Variants in ANKRD30B observed in about 807,000 individuals in gnomAD.
The protein encoded by ANKRD30B is ankyrin repeat domain 30B, also known as ankyrin repeat domain-containing protein 30B.
ANKRD30B carries 144 observed loss-of-function variants against 202.2 expected under a neutral mutation model. The ratio of observed to expected loss-of-function variants is 0.71; its 90% CI spans 0.62 to 0.82. ANKRD30B has a LOEUF of 0.82. ANKRD30B is among the 40% of genes least tolerant of loss of function. The pLI, the probability that ANKRD30B is intolerant of heterozygous loss-of-function variation, is 0.00. For synonymous variants in ANKRD30B, 508 were observed against 561.3 expected, an observed-to-expected ratio of 0.91 and a Z score of 1.34; for missense variants, 1,487 against 1,669.1, an observed-to-expected ratio of 0.89 and a Z score of 1.90.
intron 34 of ANKRD30B, among the ~76,000 whole-genome samples, chr18:14,833,383 G>A (rs1205475155): frequency 6.6e-6 from 1 of 152,084 alleles, no homozygotes; most frequent in Non-Finnish European, 1.5e-5. Context: ...AGAGCAACTG[G>A]AACTACAGGC....
At chr18:14,809,006 G>C (rs1342888827) in intron 26 of ANKRD30B, among the ~76,000 whole-genome samples, 1 of 150,792 alleles carries the variant, frequency 6.6e-6, no homozygotes, top group Non-Finnish European at 1.5e-5. Flanking sequence ...TTTGTTCCCA[G>C]GTGGATCGGC....
chr18:14,761,736 G>T (rs1341645632), intron 6 of ANKRD30B, among the ~76,000 whole-genome samples: 4 of 151,718 alleles, frequency 2.6e-5, no homozygotes, highest in Non-Finnish European at 5.9e-5. Flanking sequence ...ATTTATTGTA[G>T]AGACAGGGTC....
rs552370156 is a variant in ANKRD30B at position 14,853,927 on chromosome 18, T to C, written c.*17T>C. Among the ~76,000 whole-genome samples, 3 of 152,274 alleles carry C rather than the reference T, an allele frequency of 2.0e-5. No homozygotes were observed. The highest frequency in any genetic ancestry group is 2.9e-5 in the Non-Finnish European group (2 of 68,014). On this transcript the variant is annotated 3_prime_UTR_variant, in exon 43 of 44. Coordinates refer to ENST00000690538, the MANE Select transcript of ANKRD30B (RefSeq NM_001367607.2). ...CATCAATAGAGGCTACATCACATTA[T>C]CACATTAATCTCAAAGGTGAGATAC...
rs1236541306 is a variant in ANKRD30B, at chr18:14,848,940, C to G, written c.3395+11C>G. 5 of 1,490,456 alleles carry G rather than the reference C, an allele frequency of 3.4e-6. No individual in the cohort carries two copies. Among genetic ancestry groups the G allele is most frequent in the Non-Finnish European group, 3.6e-6 (4 of 1,123,692 alleles). 92.3% of individuals were successfully genotyped at this position (1,490,456 alleles called of 1,614,324 possible). ...GCTCTGCAGTGTGAGGTATGACATC[C>G]TAGTTTTAAATAAATATTTCAACTA... On this transcript the variant is annotated intron_variant, in intron 40 of 43. Coordinates refer to ENST00000690538, the MANE Select transcript of ANKRD30B (RefSeq NM_001367607.2).
intron 34 of ANKRD30B, among the ~76,000 whole-genome samples, chr18:14,831,813 A>T (rs1228381074): frequency 6.6e-6 from 1 of 152,196 alleles, no homozygotes; most frequent in Non-Finnish European, 1.5e-5. Context: ...TTGCATAAGT[A>T]AACTTACTGT....
chr18:14,756,423 T>C (rs1914376781), intron 4 of ANKRD30B, among the ~76,000 whole-genome samples: 1 of 152,226 alleles, frequency 6.6e-6, no homozygotes, highest in Admixed American at 6.5e-5. Flanking sequence ...ATCCCATTTG[T>C]CAATTTTGGC....
chr18:14,919,316 G>A, the ANKRD30B span, among the ~76,000 whole-genome samples: 29 of 152,226 alleles, frequency 1.9e-4, no homozygotes, highest in Non-Finnish European at 3.8e-4. Context: ...ACAGGACTCA[G>A]AAGCCAGCAG....
chr18:14,791,601 C>A, intron 16 of ANKRD30B, 110 bp downstream of exon 16: 1 of 815,906 alleles, frequency 1.2e-6, no homozygotes, highest in Admixed American at 3.0e-5. Context: ...ATGCAAAGCA[C>A]AGAAAAAAGA....
At chr18:14,748,914 C>T (rs1912948585) in intron 1 of ANKRD30B, among the ~76,000 whole-genome samples, 1 of 152,238 alleles carries the variant, frequency 6.6e-6, no homozygotes, top group Admixed American at 6.5e-5. Flanking sequence ...CCCACTTCCC[C>T]TCACAAAGCA....
intron 16 of ANKRD30B, among the ~76,000 whole-genome samples, chr18:14,795,599 C>T (rs551044290): frequency 6.6e-6 from 1 of 152,118 alleles, no homozygotes; most frequent in Non-Finnish European, 1.5e-5. Context: ...AAAAATACTC[C>T]TATTTCACAG....
In ANKRD30B at chr18:14,748,494, C is replaced by G. The variant is rs1432759352; in HGVS notation, c.75C>G (p.Val25=). 1 of 1,551,328 alleles carries G rather than the reference C, an allele frequency of 6.4e-7. No individual in the cohort carries two copies. The highest frequency in any genetic ancestry group is 8.7e-7 in the Non-Finnish European group (1 of 1,146,868). ...PEPPNPFSER[V]YTEKDYGTIY... is the part of the protein sequence containing the mutation. ...CCCCGAACCCCTTCAGCGAACGGGT[C>G]TACACTGAGAAGGACTACGGGACCA... is the stretch of plus-strand genomic sequence containing the variant. The change falls in exon 1 of 44, where the codon GTC becomes GTG. Residue 25 remains valine (V), a synonymous_variant. Coordinates refer to ENST00000690538, the MANE Select transcript of ANKRD30B (RefSeq NM_001367607.2).
rs1363187158 is a variant in ANKRD30B, at chr18:14,852,156, A to C, written c.4212A>C (p.Glu1404Asp). 1.3e-6 allele frequency: 2 copies of C among 1,593,620 alleles called. No individual in the cohort carries two copies. The highest frequency in any genetic ancestry group is 1.7e-6 in the Non-Finnish European group (2 of 1,169,998). The part of the protein sequence containing the change: ...MKKAEHMYQN[E>D]QDNVDKHTEQ... Reference sequence around the variant, plus strand: ...AAGCTGAACACATGTATCAAAATGAACAAGATAATGTGGACAAACACACTG... The same window carrying C: ...AAGCTGAACACATGTATCAAAATGACCAAGATAATGTGGACAAACACACTG... Residue 1404 changes from glutamate to aspartate, a missense_variant, in exon 42 of 44, where the codon GAA (glutamate) becomes GAC (aspartate). This residue lies in a region of ANKRD30B where 182 missense variants were observed against 216.0 expected (regional missense o/e 0.84). Coordinates refer to ENST00000690538, the MANE Select transcript of ANKRD30B (RefSeq NM_001367607.2).
At chr18:14,880,780 CTT>C in the ANKRD30B span, among the ~76,000 whole-genome samples, 1 of 151,918 alleles carries the variant, frequency 6.6e-6, no homozygotes, top group Non-Finnish European at 1.5e-5. Flanking sequence ...CTGTAGAGGT[CTT>C]TTGATTCCTT....
rs376517799 is a variant in ANKRD30B at position 14,774,379 on chromosome 18, T to A, written c.1329+2151T>A. On this transcript the variant is annotated intron_variant, in intron 9 of 43. Coordinates refer to ENST00000690538, the MANE Select transcript of ANKRD30B (RefSeq NM_001367607.2). ...TCCTCTTTCACCTTTTTAAAAATGA[T>A]TTGCCCCAGACTTTTTTTCTCACAG... Among the ~76,000 whole-genome samples, 230 of 152,292 alleles carry A rather than the reference T, an allele frequency of 1.5e-3. 6 individuals carry two copies. In the South Asian group the frequency reaches 0.035, roughly 23 times the overall value.
intron 24 of ANKRD30B, among the ~76,000 whole-genome samples, chr18:14,806,086 G>A (rs1240155743): frequency 7.3e-5 from 11 of 149,790 alleles, no homozygotes; most frequent in South Asian, 2.1e-4. Context: ...CGGGCGTGGC[G>A]GTGGGTGCCT....
chr18:14,934,217 A>G, the ANKRD30B span, among the ~76,000 whole-genome samples: 1 of 152,238 alleles, frequency 6.6e-6, no homozygotes, highest in Admixed American at 6.5e-5. Flanking sequence ...CTGGCCTGGA[A>G]GGCAGGCAAT....
In ANKRD30B at chr18:14,808,559, G is replaced by T. The variant is rs566667663; in HGVS notation, c.2293G>T (p.Asp765Tyr). 1.3e-6 allele frequency: 2 copies of T among 1,523,606 alleles called. No individual in the cohort carries two copies. Among genetic ancestry groups the T allele is most frequent in the African/African-American group, 2.8e-5 (2 of 71,614 alleles). The allele number at this position is 1,523,606 out of a possible 1,614,324, so 94.4% of individuals were successfully genotyped here. A position where few individuals can be genotyped will look rare whatever the true frequency, so the allele number is the denominator to read the frequency against. Residue 765 changes from aspartate (D) to tyrosine (Y), a missense_variant, in exon 25 of 44, where the codon GAT (aspartate) becomes TAT (tyrosine). This residue lies in a region of ANKRD30B where 218 missense variants were observed against 320.1 expected (regional missense o/e 0.68). Transcript: ENST00000690538. Reference sequence around the variant, plus strand: ...TGTCCCTTTTCTTTTAGAGTCTCCTGATAAAGATGGTCTTCTGAAGGTAAT... The same window carrying T: ...TGTCCCTTTTCTTTTAGAGTCTCCTTATAAAGATGGTCTTCTGAAGGTAAT... ...TLSGKLEESPDKDGLLKPTCG... is the reference protein window; with the variant it reads ...TLSGKLEESPYKDGLLKPTCG...
intron 18 of ANKRD30B, among the ~76,000 whole-genome samples, chr18:14,796,662 C>A (rs1220144190): frequency 6.6e-6 from 1 of 152,092 alleles, no homozygotes; most frequent in Admixed American, 6.5e-5. Context: ...TACAATGGGG[C>A]CTTGTCTTTG....
chr18:14,837,724 A>C, intron 36 of ANKRD30B, 48 bp downstream of exon 36: 1 of 1,447,114 alleles, frequency 6.9e-7, no homozygotes, highest in Non-Finnish European at 9.3e-7. Flanking sequence ...AGTACTCAGT[A>C]ATCTTAAAAC....
Sources: allele counts gnomAD v4.1 joint callset (sites outside exome capture counted in the v4.1 genomes callset), GRCh38; gene constraint gnomAD v4.1.1; regional missense constraint gnomAD v4.1.1; transcripts MANE v1.5; gene names NCBI Gene and HGNC (gene_info 2026-07-23, HGNC 2026-07-21).